Variants in PUS10 observed in about 807,000 individuals in gnomAD.
PUS10 encodes the protein tRNA pseudouridine synthase Pus10.
In PUS10, 59 loss-of-function variants were observed where a neutral mutation model predicts 75.0. The observed-to-expected ratio is 0.79, with a 90% CI of 0.64 to 0.98. The LOEUF (loss-of-function observed/expected upper bound fraction) is 0.98, where lower values mean the gene tolerates loss of function less well. PUS10 is among the 50% of genes least tolerant of loss of function. The pLI is 0.00. For synonymous variants in PUS10, 219 were observed against 211.6 expected, an observed-to-expected ratio of 1.03 and a Z score of -0.30; for missense variants, 650 against 614.4, an observed-to-expected ratio of 1.06 and a Z score of -0.61.
In PUS10 at chr2:61,017,802, C is replaced by T. The variant is rs1311634962; in HGVS notation, c.-16+206G>A. The stretch of plus-strand genomic sequence containing the variant: ...ACCTCCCCCCAAACCCTGGGAGACC[C>T]GCCGAATTCCGGGAGCCGGACCGGG... On this transcript the variant is annotated intron_variant, in intron 1 of 17. Transcript: ENST00000316752. 13 of 1,550,412 alleles carry T rather than the reference C, an allele frequency of 8.4e-6. No individual in the cohort carries two copies. Among genetic ancestry groups the T allele is most frequent in the African/African-American group, 1.4e-5 (1 of 73,048 alleles).
chr2:60,956,179 C>A (rs930627271), intron 11 of PUS10, among the ~76,000 whole-genome samples: 1 of 152,212 alleles, frequency 6.6e-6, no homozygotes, highest in Non-Finnish European at 1.5e-5. Context: ...CTGTGAACCA[C>A]TAAGTCCCAA....
chr2:60,953,916 A>G lies in PUS10; in HGVS notation c.1190+17T>C, dbSNP rs1675493351. The stretch of plus-strand genomic sequence containing the variant: ...AAACGTCCCTTTTGAAATCATCTCC[A>G]ATGAGCCTACTCTTACCTTGTGACA... On this transcript the variant is annotated intron_variant, in intron 14 of 17. Coordinates refer to ENST00000316752, the MANE Select transcript of PUS10 (RefSeq NM_144709.4). The G allele has an allele frequency of 3.1e-6, 5 of 1,609,788 alleles. No homozygotes were observed. Among genetic ancestry groups the G allele is most frequent in the East Asian group, 2.2e-5 (1 of 44,864 alleles).
At chr2:60,984,642 G>T (rs996542621) in intron 4 of PUS10, among the ~76,000 whole-genome samples, 1 of 152,120 alleles carries the variant, frequency 6.6e-6, no homozygotes, top group Non-Finnish European at 1.5e-5. Context: ...AATAAAAACT[G>T]AAAACTGAAG....
At position 61,008,965 on chromosome 2, in the gene PUS10, T is replaced by TA; in HGVS notation, c.176dup (p.Leu59PhefsTer21). Reference sequence around the variant, plus strand: ...GAGGTGGGTTCATAACTTCCAAAATTAATTCATCTTTTTCAGTTTCCAGAA... The same window carrying TA: ...GAGGTGGGTTCATAACTTCCAAAATTAAATTCATCTTTTTCAGTTTCCAGAA... On this transcript the variant is annotated frameshift_variant, in exon 3 of 18. Coordinates refer to ENST00000316752, the MANE Select transcript of PUS10 (RefSeq NM_144709.4). LOFTEE classifies it high-confidence loss of function. 1 of 1,612,646 alleles carries TA rather than the reference T, an allele frequency of 6.2e-7. No homozygotes were observed. Among genetic ancestry groups the TA allele is most frequent in the Non-Finnish European group, 8.5e-7 (1 of 1,179,300 alleles).
chr2:60,988,479 C>T (rs986231756), intron 4 of PUS10, among the ~76,000 whole-genome samples: 1 of 151,896 alleles, frequency 6.6e-6, no homozygotes, highest in Non-Finnish European at 1.5e-5. Context: ...CAATATAGTA[C>T]ACTTTGGTCT....
chr2:60,945,215 G>A, intron 16 of PUS10, 107 bp from the exon 17 acceptor site: 2 of 729,170 alleles, frequency 2.7e-6, no homozygotes, highest in Non-Finnish European at 4.8e-6. Context: ...CAAAAGAAAG[G>A]TTACTTCTGA....
intron 15 of PUS10, among the ~76,000 whole-genome samples, chr2:60,952,043 A>C (rs1037412489): frequency 2.6e-5 from 4 of 152,204 alleles, no homozygotes; most frequent in Non-Finnish European, 5.9e-5. Context: ...ATTTGAAAGT[A>C]AACTATTTTT....
intron 4 of PUS10, among the ~76,000 whole-genome samples, chr2:60,972,488 A>G (rs1463258772): frequency 1.3e-5 from 2 of 152,084 alleles, no homozygotes; most frequent in African/African-American, 4.8e-5. Context: ...AAAAAGAAAA[A>G]AAAGAAATGT....
At chr2:60,996,905 G>A (rs997294639) in intron 4 of PUS10, among the ~76,000 whole-genome samples, 1 of 152,176 alleles carries the variant, frequency 6.6e-6, no homozygotes, top group Admixed American at 6.5e-5. Context: ...ATTCCCAATA[G>A]GTATCAATGG....
At chr2:61,000,471 T>C (rs1234162162) in intron 4 of PUS10, among the ~76,000 whole-genome samples, 1 of 152,216 alleles carries the variant, frequency 6.6e-6, no homozygotes, top group African/African-American at 2.4e-5. Flanking sequence ...CAGGTCTCAC[T>C]GGCTTAAAAT....
At chr2:60,972,990 C>T (rs1447346449) in intron 4 of PUS10, among the ~76,000 whole-genome samples, 1 of 152,192 alleles carries the variant, frequency 6.6e-6, no homozygotes. Flanking sequence ...GAGGTGTGGG[C>T]GGTGGCGGCA....
intron 12 of PUS10, 40 bp from the exon 13 acceptor site, chr2:60,954,198 A>G (rs1183944032): frequency 6.2e-7 from 1 of 1,603,098 alleles, no homozygotes; most frequent in Non-Finnish European, 8.5e-7. Context: ...AAACGTGTTG[A>G]TGGAGTTAAC....
intron 4 of PUS10, among the ~76,000 whole-genome samples, chr2:61,003,674 A>C (rs1205475875): frequency 6.8e-6 from 1 of 148,072 alleles, no homozygotes; most frequent in African/African-American, 2.5e-5. Flanking sequence ...TCTCCAGGGT[A>C]GCTGGGACTA....
At chr2:60,984,936 T>C (rs1046963264) in intron 4 of PUS10, among the ~76,000 whole-genome samples, 3 of 152,154 alleles carry the variant, frequency 2.0e-5, no homozygotes, top group Admixed American at 6.5e-5. Flanking sequence ...AAATGGGAAG[T>C]AGAAAAGAGG....
At chr2:60,957,697 G>GCAACA (rs1675768182) in intron 11 of PUS10, among the ~76,000 whole-genome samples, 1 of 152,226 alleles carries the variant, frequency 6.6e-6, no homozygotes, top group South Asian at 2.1e-4. Flanking sequence ...GGATCCTAGT[G>GCAACA]GTGATCTGTT....
chr2:61,012,454 C>T (rs1371681628), intron 1 of PUS10, among the ~76,000 whole-genome samples: 1 of 151,994 alleles, frequency 6.6e-6, no homozygotes, highest in East Asian at 1.9e-4. Context: ...CATAGAAAAA[C>T]TACAGTCTCT....
At chr2:60,947,883 A>G (rs187372469) in intron 16 of PUS10, among the ~76,000 whole-genome samples, 160 bp downstream of exon 16, 1 of 152,186 alleles carries the variant, frequency 6.6e-6, no homozygotes, top group East Asian at 1.9e-4. Context: ...TAAGTGGGAA[A>G]AAACCACATC....
chr2:60,965,027 T>G (rs879073714), intron 8 of PUS10, 31 bp downstream of exon 8: 3 of 1,607,890 alleles, frequency 1.9e-6, no homozygotes, highest in South Asian at 2.2e-5. Context: ...CAAAACTCAC[T>G]CAAGACTAAG....
In PUS10 at chr2:61,008,293, G is replaced by A. The variant is rs371764597; in HGVS notation, c.381+468C>T. 7.4e-4 allele frequency among the ~76,000 whole-genome samples: 113 copies of A among 152,236 alleles called. 1 individual carries two copies. In the South Asian group the frequency reaches 0.012, roughly 16 times the overall value. On this transcript the variant is annotated intron_variant, in intron 3 of 17. Transcript: ENST00000316752. ...AATCCCAGCACTTTGGGAGGCCAAG[G>A]CAGGCGAATCATCTGAGATCGGGAG...
Sources: gnomAD v4.1 joint callset for allele counts (sites outside exome capture counted in the v4.1 genomes callset) on GRCh38, gnomAD v4.1.1 for gene constraint, MANE v1.5 for transcripts, NCBI Gene and HGNC (gene_info 2026-07-23, HGNC 2026-07-21) for gene names.